Variants in ZMYM1 observed in about 807,000 individuals in gnomAD.
The protein encoded by ZMYM1 is zinc finger MYM-type protein 1.
A neutral mutation model predicts 60.0 loss-of-function variants in ZMYM1; 39 were observed. The ratio of observed to expected loss-of-function variants is 0.65; its 90% CI spans 0.50 to 0.85. The LOEUF is 0.85. ZMYM1 is among the 40% of genes least tolerant of loss of function. ZMYM1 has a pLI of 0.00. For synonymous variants in ZMYM1, 413 were observed against 454.0 expected (o/e 0.91, Z 1.15); for missense variants, 1,171 against 1,309.5 (o/e 0.89, Z 1.63).
downstream of ZMYM1, among the ~76,000 whole-genome samples, chr1:35,117,649 A>G (rs1644262431): frequency 1.3e-5 from 2 of 152,056 alleles, no homozygotes; most frequent in South Asian, 4.1e-4. Context: ...ACCTTAAAAA[A>G]GAGAAAACAG....
chr1:35,110,742 G>A (rs550880375), intron 7 of ZMYM1, among the ~76,000 whole-genome samples: 12 of 152,002 alleles, frequency 7.9e-5, no homozygotes, highest in African/African-American at 2.9e-4. Flanking sequence ...ACCAGCCTGG[G>A]CAACATGTTG....
Position 35,060,630 on chromosome 1 carries a change from C to T in ZMYM1, c.-301+705C>T, listed in dbSNP as rs1283734903. Among the ~76,000 whole-genome samples the T allele has an allele frequency of 2.0e-5, 3 of 152,170 alleles. No individual in the cohort carries two copies. The East Asian group carries it at 5.8e-4, about 29-fold the overall frequency. On this transcript the variant is annotated intron_variant, in intron 1 of 10. Transcript: ENST00000417119. ...CTGTGCTGCCTCCTTCGCCCCTCCT[C>T]TCCTGCTGTGTCCTCAGCTCCCACA...
chr1:35,102,744 A>T (rs1413526365), intron 4 of ZMYM1, among the ~76,000 whole-genome samples: 1 of 152,176 alleles, frequency 6.6e-6, no homozygotes, highest in Non-Finnish European at 1.5e-5. Flanking sequence ...TGGCTAATTC[A>T]TTTATAACTC....
chr1:35,064,365 T>A (rs1424261772), intron 1 of ZMYM1, among the ~76,000 whole-genome samples: 1 of 148,454 alleles, frequency 6.7e-6, no homozygotes, highest in African/African-American at 2.5e-5. Flanking sequence ...AGTTGGAAAC[T>A]TCAACACTCC....
intron 1 of ZMYM1, among the ~76,000 whole-genome samples, chr1:35,092,515 A>G (rs988115269): frequency 6.6e-6 from 1 of 152,062 alleles, no homozygotes; most frequent in African/African-American, 2.4e-5. Flanking sequence ...TGCTGGGATT[A>G]CAGGCATGAA....
intron 1 of ZMYM1, among the ~76,000 whole-genome samples, chr1:35,070,280 T>C (rs1403154188): frequency 6.6e-6 from 1 of 152,154 alleles, no homozygotes; most frequent in Admixed American, 6.6e-5. Context: ...TGTTTTATGG[T>C]TTTCCATGTA....
intron 1 of ZMYM1, among the ~76,000 whole-genome samples, chr1:35,069,077 G>T (rs1279486805): frequency 2.6e-5 from 4 of 151,984 alleles, no homozygotes; most frequent in Non-Finnish European, 5.9e-5. Context: ...CAGGTGATCT[G>T]CCTGCCTCAG....
Position 35,111,767 on chromosome 1 carries a change from G to A in ZMYM1, c.962-5G>A. 1 of 1,554,446 alleles carries A rather than the reference G, an allele frequency of 6.4e-7. No individual in the cohort carries two copies. The highest frequency in any genetic ancestry group is 8.7e-7 in the Non-Finnish European group (1 of 1,149,254). On this transcript the variant is annotated splice_region_variant and splice_polypyrimidine_tract_variant and intron_variant, in intron 7 of 9. Transcript: ENST00000359858. ...GTTTATAAGAAATCTTTTTATTGTTGTCAGTAAGTGTTGTTTCTGTGGTGC... is the reference window on the plus strand; with the variant it reads ...GTTTATAAGAAATCTTTTTATTGTTATCAGTAAGTGTTGTTTCTGTGGTGC...
Position 35,090,457 on chromosome 1 carries a change from G to T in ZMYM1, c.-74-3457G>T, listed in dbSNP as rs551514576. ...TATAGGTGACAGGTTGATGGGTGCA[G>T]CAAACCACCATGGCATGTGTATACC... On this transcript the variant is annotated intron_variant, in intron 1 of 9. Transcript: ENST00000359858. Among the ~76,000 whole-genome samples, 92 of 152,156 alleles carry T rather than the reference G, an allele frequency of 6.0e-4. 1 individual carries two copies. Among genetic ancestry groups the T allele is most frequent in the Admixed American group, 2.7e-3 (41 of 15,260 alleles).
At position 35,113,684 on chromosome 1, in the gene ZMYM1, A is replaced by G. The variant is rs1644173053; in HGVS notation, c.1854A>G (p.Gln618=). The part of the protein sequence containing the change: ...QVDFYNSTQI[Q]SDIIEIIKTE... ...ACTTCTATAACAGTACACAAATTCA[A>G]AGTGATATTATCGAAATAATAAAGA... Residue 618 remains glutamine (Q), a synonymous_variant, in exon 10 of 10, where the codon CAA becomes CAG. Transcript: ENST00000359858. The G allele has an allele frequency of 1.2e-6, 2 of 1,613,642 alleles. No individual in the cohort carries two copies. Among genetic ancestry groups the G allele is most frequent in the Middle Eastern group, 1.7e-4 (1 of 6,060 alleles).
rs777958578 is a variant in ZMYM1 at position 35,104,680 on chromosome 1, T to TA, written c.719dup (p.Tyr240Ter). Residue 240 changes from tyrosine to a stop codon, truncating the protein, a stop_gained and frameshift_variant, in exon 6 of 10, where the codon TAC becomes TAAC. Transcript: ENST00000359858. LOFTEE classifies it high-confidence loss of function. Reference sequence around the variant, plus strand: ...CTGTGAGAACTGTGGCACTTACTGTTACACCAGCTCTAGTCTGTCCCACAT... The same window carrying TA: ...CTGTGAGAACTGTGGCACTTACTGTTAACACCAGCTCTAGTCTGTCCCACAT... The part of the protein sequence containing the change: ...NCCENCGTYC[Y>*]TSSSLSHILQ... 6.2e-7 allele frequency: 1 copy of TA among 1,614,190 alleles called. No individual in the cohort carries two copies.
intron 1 of ZMYM1, among the ~76,000 whole-genome samples, chr1:35,092,848 C>T (rs765087471): frequency 1.1e-4 from 17 of 152,096 alleles, no homozygotes; most frequent in Non-Finnish European, 2.4e-4. Context: ...TGGTCTCAAA[C>T]TCCTGATCTC....
At chr1:35,078,038 T>C (rs1390529651), upstream of ZMYM1, among the ~76,000 whole-genome samples, 1 of 152,168 alleles carries the variant, frequency 6.6e-6, no homozygotes, top group Non-Finnish European at 1.5e-5. Flanking sequence ...GCAAATTACC[T>C]TTATCCTCTT....
intron 4 of ZMYM1, among the ~76,000 whole-genome samples, chr1:35,100,441 A>G (rs2971411): frequency 0.87 from 132,137 of 151,584 alleles, 57,903 homozygotes; most frequent in Non-Finnish European, 0.93. Flanking sequence ...AGCCAACACC[A>G]CAAATCCCTG....
chr1:35,066,319 T>C (rs927248907), intron 1 of ZMYM1, among the ~76,000 whole-genome samples: 9 of 152,306 alleles, frequency 5.9e-5, no homozygotes, highest in African/African-American at 2.2e-4. Flanking sequence ...TGCCTCAGCC[T>C]CCCAAGTAGC....
chr1:35,110,711 G>A lies in ZMYM1; in HGVS notation c.961+264G>A, dbSNP rs571059629. Among the ~76,000 whole-genome samples the A allele has an allele frequency of 5.3e-5, 8 of 152,044 alleles. No homozygotes were observed. The East Asian group carries it at 1.4e-3, about 26-fold the overall frequency. On this transcript the variant is annotated intron_variant, in intron 7 of 9. Transcript: ENST00000359858. ...TTTGGGAGGCCAAAGTGGGCAGATC[G>A]CCTGAGGTCAGGAGTTTGAGACCAG... is the stretch of plus-strand genomic sequence containing the variant.
chr1:35,074,848 CAT>C (rs1414310906), upstream of ZMYM1, among the ~76,000 whole-genome samples: 43 of 109,852 alleles, frequency 3.9e-4, no homozygotes, highest in African/African-American at 1.3e-3. Context: ...GTGTTGGACA[CAT>C]ATATATTTTT....
intron 1 of ZMYM1, 55 bp from the exon 2 acceptor site, chr1:35,093,859 C>T (rs1643163298): frequency 3.3e-6 from 2 of 613,166 alleles, no homozygotes; most frequent in Non-Finnish European, 5.3e-6. Flanking sequence ...AGAAAATTAC[C>T]ATATTTAAAA....
upstream of ZMYM1, among the ~76,000 whole-genome samples, chr1:35,074,950 T>C (rs918545544): frequency 4.6e-5 from 7 of 151,868 alleles, no homozygotes; most frequent in African/African-American, 1.7e-4. Context: ...AAGCTCTGCC[T>C]CCTGGGTTTA....
Sources: gnomAD v4.1 joint callset for allele counts (sites outside exome capture counted in the v4.1 genomes callset) on GRCh38, gnomAD v4.1.1 for gene constraint, MANE v1.5 for transcripts, NCBI Gene and HGNC (gene_info 2026-07-23, HGNC 2026-07-21) for gene names.